Variants in PSKH2 observed in about 807,000 individuals in gnomAD.
PSKH2 encodes protein serine kinase H2.
A neutral mutation model predicts 22.5 loss-of-function variants in PSKH2; 16 were observed. The observed-to-expected ratio is 0.71, with a 90% confidence interval of 0.48 to 1.08. The LOEUF (loss-of-function observed/expected upper bound fraction) is 1.08. Among genes scored for constraint, PSKH2 ranks in the 50% least tolerant of loss-of-function variants. The pLI is 0.00. For synonymous variants in PSKH2, 188 were observed against 184.8 expected (o/e 1.02, Z -0.14); for missense variants, 516 against 492.8 (o/e 1.05, Z -0.44).
rs182831895 is a variant in PSKH2 at position 86,059,447 on chromosome 8, C to A, written c.852+4518G>T. ...CAGAGCTGTGTTCCTTCCAGAGGCTCTAGGGGAAAATGCATTCCTTGCTTT... is the reference window on the plus strand; with the variant it reads ...CAGAGCTGTGTTCCTTCCAGAGGCTATAGGGGAAAATGCATTCCTTGCTTT... On this transcript the variant is annotated intron_variant, in intron 2 of 2. Coordinates refer to ENST00000276616, the MANE Select transcript of PSKH2 (RefSeq NM_033126.3). Among the ~76,000 whole-genome samples the A allele has an allele frequency of 2.6e-3, 393 of 152,294 alleles. 3 individuals are homozygous for A. Among genetic ancestry groups the A allele is most frequent in the African/African-American group, 9.1e-3 (377 of 41,552 alleles).
chr8:86,064,929 G>C (rs147804305), intron 1 of PSKH2, among the ~76,000 whole-genome samples: 1 of 152,156 alleles, frequency 6.6e-6, no homozygotes, highest in Non-Finnish European at 1.5e-5. Flanking sequence ...CTAAAACCCT[G>C]CTGGGTAATA....
Position 86,052,617 on chromosome 8 carries a change from T to C in PSKH2, c.853-3850A>G, listed in dbSNP as rs1817648382. Among the ~76,000 whole-genome samples the C allele has an allele frequency of 3.3e-5, 5 of 152,196 alleles. No homozygotes were observed. The South Asian group carries it at 1.0e-3, about 32-fold the overall frequency. Reference sequence around the variant, plus strand: ...CTCACACCTTAATTCCTTCCTCAGTTCTTTTGTGGATAGATTAACTGACTG... The same window carrying C: ...CTCACACCTTAATTCCTTCCTCAGTCCTTTTGTGGATAGATTAACTGACTG... On this transcript the variant is annotated intron_variant, in intron 2 of 2. Coordinates refer to ENST00000276616, the MANE Select transcript of PSKH2 (RefSeq NM_033126.3).
rs558093923 is a variant in PSKH2, at chr8:86,054,215, T to G, written c.853-5448A>C. Among the ~76,000 whole-genome samples the G allele has an allele frequency of 1.3e-5, 2 of 152,208 alleles. 1 individual carries two copies. Among genetic ancestry groups the G allele is most frequent in the South Asian group, 4.1e-4 (2 of 4,834 alleles). The stretch of plus-strand genomic sequence containing the variant: ...TTGGTGGATTTAATTAAATAATTTT[T>G]TTAAAGCTACAAATATCTATTTTTA... On this transcript the variant is annotated intron_variant, in intron 2 of 2. Coordinates refer to ENST00000276616, the MANE Select transcript of PSKH2 (RefSeq NM_033126.3).
intron 2 of PSKH2, among the ~76,000 whole-genome samples, chr8:86,051,115 G>C (rs979693748): frequency 6.6e-6 from 1 of 151,666 alleles, no homozygotes; most frequent in Non-Finnish European, 1.5e-5. Flanking sequence ...GCCCAGGCTG[G>C]AGTGCAGTGG....
intron 2 of PSKH2, among the ~76,000 whole-genome samples, chr8:86,063,498 A>C (rs2130166158): frequency 6.6e-6 from 1 of 152,330 alleles, no homozygotes; most frequent in South Asian, 2.1e-4. Flanking sequence ...CTTCATCACA[A>C]AAAGGGCTTG....
chr8:86,053,496 G>A (rs1156820601), intron 2 of PSKH2, among the ~76,000 whole-genome samples: 1 of 152,022 alleles, frequency 6.6e-6, no homozygotes, highest in Non-Finnish European at 1.5e-5. Context: ...TGAGCCCCAG[G>A]AATCCCATGG....
chr8:86,048,436 C>T lies in PSKH2; in HGVS notation c.*26G>A. The T allele has an allele frequency of 6.3e-7, 1 of 1,587,140 alleles. No homozygotes were observed. The highest frequency in any genetic ancestry group is 2.2e-5 in the East Asian group (1 of 44,568). ...CATGATGAAATGGTCCTAAAATAGG[C>T]AAAAATAGTTTTAGAGGTCATCTGC... On this transcript the variant is annotated 3_prime_UTR_variant, in exon 3 of 3. Transcript: ENST00000276616.
At chr8:86,061,717 G>A (rs1312814329) in intron 2 of PSKH2, among the ~76,000 whole-genome samples, 1 of 152,154 alleles carries the variant, frequency 6.6e-6, no homozygotes, top group Non-Finnish European at 1.5e-5. Flanking sequence ...TGATCTAGTT[G>A]AACCCAGATT....
intron 2 of PSKH2, among the ~76,000 whole-genome samples, chr8:86,058,630 TAGCAA>T (rs1400615556): frequency 3.3e-5 from 5 of 152,194 alleles, no homozygotes; most frequent in Admixed American, 3.3e-4. Flanking sequence ...CAGCAACCTA[TAGCAA>T]CCAGATTAAA....
intron 2 of PSKH2, among the ~76,000 whole-genome samples, chr8:86,056,218 G>A (rs1018501922): frequency 1.3e-5 from 2 of 152,032 alleles, no homozygotes; most frequent in Admixed American, 6.6e-5. Context: ...CCAAAGCCCA[G>A]GGAGTTTGGG....
In PSKH2 at chr8:86,058,105, G is replaced by A. The variant is rs567816050; in HGVS notation, c.852+5860C>T. Among the ~76,000 whole-genome samples the A allele has an allele frequency of 9.9e-5, 15 of 152,256 alleles. No individual in the cohort carries two copies. In the East Asian group the frequency reaches 2.9e-3, roughly 29 times the overall value. On this transcript the variant is annotated intron_variant, in intron 2 of 2. Coordinates refer to ENST00000276616, the MANE Select transcript of PSKH2 (RefSeq NM_033126.3). The stretch of plus-strand genomic sequence containing the variant: ...CCTTTACTTAGCGTCTCAAGCACGA[G>A]CTCTGCCACCATCCAAAAGCCATTG...
At chr8:86,056,594 T>C (rs1404232475) in intron 2 of PSKH2, among the ~76,000 whole-genome samples, 1 of 152,192 alleles carries the variant, frequency 6.6e-6, no homozygotes, top group Non-Finnish European at 1.5e-5. Flanking sequence ...ATAAAACTAA[T>C]AACTTACTTA....
intron 2 of PSKH2, among the ~76,000 whole-genome samples, 171 bp downstream of exon 2, chr8:86,063,794 A>G (rs1817812153): frequency 6.6e-6 from 1 of 152,274 alleles, no homozygotes; most frequent in East Asian, 1.9e-4. Context: ...GGGCCCCACA[A>G]CTGGGGGAGG....
At chr8:86,059,645 A>G (rs974149892) in intron 2 of PSKH2, among the ~76,000 whole-genome samples, 1 of 152,200 alleles carries the variant, frequency 6.6e-6, no homozygotes, top group Non-Finnish European at 1.5e-5. Flanking sequence ...AAGATTATCC[A>G]GAATAATCTC....
chr8:86,055,368 A>G (rs563567895), intron 2 of PSKH2, among the ~76,000 whole-genome samples: 2 of 152,244 alleles, frequency 1.3e-5, no homozygotes, highest in African/African-American at 4.8e-5. Context: ...AGAAACACTT[A>G]TTGTCTGTGA....
At chr8:86,048,914 A>G in intron 2 of PSKH2, 147 bp from the exon 3 acceptor site, 1 of 618,722 alleles carries the variant, frequency 1.6e-6, no homozygotes, top group Non-Finnish European at 2.6e-6. Flanking sequence ...CTGTGTCATT[A>G]CATATATAGA....
intron 2 of PSKH2, among the ~76,000 whole-genome samples, chr8:86,055,690 A>T (rs892132993): frequency 4.6e-5 from 7 of 152,156 alleles, no homozygotes; most frequent in Admixed American, 2.6e-4. Context: ...ATGGAAAGAG[A>T]ATTAAAGTAC....
rs1817553502 is a variant in PSKH2 at position 86,048,070 on chromosome 8, AT to A, written c.*391del. 6.6e-6 allele frequency among the ~76,000 whole-genome samples: 1 copy of A among 152,224 alleles called. No individual in the cohort carries two copies. The highest frequency in any genetic ancestry group is 2.4e-5 in the African/African-American group (1 of 41,458). On this transcript the variant is annotated 3_prime_UTR_variant, in exon 3 of 3. Coordinates refer to ENST00000276616, the MANE Select transcript of PSKH2 (RefSeq NM_033126.3). ...ACTGTATACTGGGGCTTAAATAAAA[AT>A]CAGTAATTTCAGGATAAATACATAT...
At chr8:86,069,779 C>G (rs1817921570), upstream of PSKH2, 18 of 773,120 alleles carry the variant, frequency 2.3e-5, 1 homozygote, top group South Asian at 4.2e-4. Context: ...CCAGGATACC[C>G]GCTAACGACC....
Sources: gnomAD v4.1 joint callset for allele counts (sites outside exome capture counted in the v4.1 genomes callset) on GRCh38, gnomAD v4.1.1 for gene constraint, MANE v1.5 for transcripts, NCBI Gene and HGNC (gene_info 2026-07-23, HGNC 2026-07-21) for gene names.